The following BICC1 variants were observed in gnomAD, a reference collection of about 807,000 sequenced individuals.
The protein encoded by BICC1 is BicC family RNA binding protein 1.
BICC1 carries 43 observed loss-of-function variants against 111.0 expected under a neutral mutation model. The ratio of observed to expected loss-of-function variants is 0.39; its 90% CI spans 0.30 to 0.50. The LOEUF (loss-of-function observed/expected upper bound fraction) is 0.50, where lower values mean the gene tolerates loss of function less well. Ranked by LOEUF, BICC1 falls within the 20% of genes least tolerant of loss-of-function variation. The pLI is 0.88. For missense variants in BICC1, 1,091 were observed against 1,203.2 expected (o/e 0.91, Z 1.38); for synonymous variants, 467 against 434.4 (o/e 1.07, Z -0.93).
At chr10:58,617,374 A>G (rs926049359) in intron 1 of BICC1, among the ~76,000 whole-genome samples, 12 of 152,240 alleles carry the variant, frequency 7.9e-5, no homozygotes, top group African/African-American at 2.7e-4. Flanking sequence ...AGCAGAGTAC[A>G]CTGAATACAA....
chr10:58,578,675 G>C (rs1844180182), intron 1 of BICC1, among the ~76,000 whole-genome samples: 2 of 152,192 alleles, frequency 1.3e-5, no homozygotes, highest in South Asian at 2.1e-4. Context: ...AAATTTGAAA[G>C]AGGTGGAGGT....
At chr10:58,552,916 T>C (rs1843335749) in intron 1 of BICC1, among the ~76,000 whole-genome samples, 1 of 152,218 alleles carries the variant, frequency 6.6e-6, no homozygotes, top group African/African-American at 2.4e-5. Flanking sequence ...CACGTAGGCA[T>C]GGGCTTTCAG....
chr10:58,533,335 C>T (rs774975339), intron 1 of BICC1, among the ~76,000 whole-genome samples: 72 of 151,904 alleles, frequency 4.7e-4, no homozygotes, highest in Admixed American at 4.5e-3. Flanking sequence ...TTTTTCTTCA[C>T]TTAATAATGT....
chr10:58,761,312 G>A (rs1589112651), intron 3 of BICC1, among the ~76,000 whole-genome samples: 1 of 152,186 alleles, frequency 6.6e-6, no homozygotes, highest in Admixed American at 6.5e-5. Context: ...AATTCGAAGA[G>A]GAGGTATACA....
Position 58,580,617 on chromosome 10 carries a change from T to C in BICC1, c.191-40238T>C, listed in dbSNP as rs562027461. On this transcript the variant is annotated intron_variant, in intron 1 of 20. Transcript: ENST00000373886. Reference sequence around the variant, plus strand: ...ACATTATTGTTGACTATTGGCACAGTGTTCTACAGATCTCTAGAGCTTATT... The same window carrying C: ...ACATTATTGTTGACTATTGGCACAGCGTTCTACAGATCTCTAGAGCTTATT... Among the ~76,000 whole-genome samples, 16 of 152,310 alleles carry C rather than the reference T, an allele frequency of 1.1e-4. No homozygotes were observed. In the South Asian group the frequency reaches 3.3e-3, roughly 32 times the overall value.
At chr10:58,640,702 A>G (rs188265468) in intron 2 of BICC1, among the ~76,000 whole-genome samples, 1 of 152,336 alleles carries the variant, frequency 6.6e-6, no homozygotes, top group Non-Finnish European at 1.5e-5. Flanking sequence ...TATGACATGG[A>G]TTCTGCCATT....
At chr10:58,707,800 G>A (rs990719357) in intron 3 of BICC1, among the ~76,000 whole-genome samples, 5 of 151,904 alleles carry the variant, frequency 3.3e-5, no homozygotes, top group East Asian at 1.9e-4. Context: ...TGGGTTAAGC[G>A]ATTGTCCTGG....
chr10:58,586,495 G>A lies in BICC1; in HGVS notation c.191-34360G>A, dbSNP rs1488011166. Among the ~76,000 whole-genome samples, 3 of 151,588 alleles carry A rather than the reference G, an allele frequency of 2.0e-5. No individual in the cohort carries two copies. The East Asian group carries it at 5.8e-4, about 29-fold the overall frequency. On this transcript the variant is annotated intron_variant, in intron 1 of 20. Transcript: ENST00000373886. ...TACTTCCTGTAATACCAGCTACTCG[G>A]GTGGCTGAGGCACGAGAATCACTTG...
rs183124159 is a variant in BICC1, at chr10:58,611,978, G to T, written c.191-8877G>T. ...GTCTATTCTTAATTTTTCTCAACAG[G>T]CCTATTTATTTAATTTTTTACAGGC... On this transcript the variant is annotated intron_variant, in intron 1 of 20. Coordinates refer to ENST00000373886, the MANE Select transcript of BICC1 (RefSeq NM_001080512.3). Among the ~76,000 whole-genome samples, 104 of 152,102 alleles carry T rather than the reference G, an allele frequency of 6.8e-4. 1 individual carries two copies. The East Asian group carries it at 0.016, about 23-fold the overall frequency.
At chr10:58,732,670 A>G (rs1244153608) in intron 3 of BICC1, among the ~76,000 whole-genome samples, 5 of 151,472 alleles carry the variant, frequency 3.3e-5, no homozygotes, top group Non-Finnish European at 5.9e-5. Flanking sequence ...AGTCCCAACT[A>G]CTTGGGAGCC....
intron 3 of BICC1, among the ~76,000 whole-genome samples, chr10:58,753,319 C>T (rs1842043454): frequency 6.6e-6 from 1 of 152,116 alleles, no homozygotes; most frequent in Non-Finnish European, 1.5e-5. Flanking sequence ...CAGGCACACA[C>T]CATCAGGCCT....
chr10:58,725,903 A>G (rs562217435), intron 3 of BICC1, among the ~76,000 whole-genome samples: 23 of 152,358 alleles, frequency 1.5e-4, no homozygotes, highest in Admixed American at 3.9e-4. Flanking sequence ...AATGTTTCTT[A>G]ACAGCTTTGT....
intron 1 of BICC1, among the ~76,000 whole-genome samples, chr10:58,597,693 A>C (rs768428257): frequency 6.6e-5 from 10 of 152,012 alleles, no homozygotes; most frequent in Admixed American, 3.3e-4. Flanking sequence ...ACCTCCCCCC[A>C]GGAATGCATT....
intron 3 of BICC1, among the ~76,000 whole-genome samples, chr10:58,745,611 C>CCCA (rs1383315500): frequency 1.2e-4 from 16 of 133,232 alleles, no homozygotes; most frequent in African/African-American, 4.4e-4. Flanking sequence ...CGCCCCCCCC[C>CCCA]CACATTTTTT....
chr10:58,825,503 C>A (rs950906898), intron 20 of BICC1, among the ~76,000 whole-genome samples: 4 of 152,148 alleles, frequency 2.6e-5, no homozygotes, highest in Admixed American at 1.3e-4. Context: ...TCTATTATAA[C>A]ATGTTAAAAT....
rs1005776259 is a variant in BICC1 at position 58,586,493 on chromosome 10, C to T, written c.191-34362C>T. Among the ~76,000 whole-genome samples, 14 of 137,264 alleles carry T rather than the reference C, an allele frequency of 1.0e-4. 1 individual carries two copies. The highest frequency in any genetic ancestry group is 7.9e-4 in the South Asian group (3 of 3,806). The allele number at this position is 137,264 out of a possible 152,430, so 90.1% of individuals were successfully genotyped here. A position where few individuals can be genotyped will look rare whatever the true frequency, so the allele number is the denominator to read the frequency against. ...AGTACTTCCTGTAATACCAGCTACT[C>T]GGGTGGCTGAGGCACGAGAATCACT... is the stretch of plus-strand genomic sequence containing the variant. On this transcript the variant is annotated intron_variant, in intron 1 of 20. Coordinates refer to ENST00000373886, the MANE Select transcript of BICC1 (RefSeq NM_001080512.3).
chr10:58,802,616 C>T (rs543170252), intron 14 of BICC1, among the ~76,000 whole-genome samples: 5 of 152,278 alleles, frequency 3.3e-5, no homozygotes, highest in East Asian at 1.9e-4. Flanking sequence ...TTCATACACA[C>T]GAATTGGATC....
At chr10:58,626,143 G>T (rs1322879033) in intron 2 of BICC1, among the ~76,000 whole-genome samples, 1 of 152,162 alleles carries the variant, frequency 6.6e-6, no homozygotes, top group African/African-American at 2.4e-5. Flanking sequence ...AAGAGTATTT[G>T]ATATCTTGAT....
chr10:58,723,287 T>G (rs1840996073), intron 3 of BICC1, among the ~76,000 whole-genome samples: 1 of 152,154 alleles, frequency 6.6e-6, no homozygotes, highest in Non-Finnish European at 1.5e-5. Context: ...CTTTCCTCAG[T>G]CTGTTTGGAG....
Sources: gnomAD v4.1 joint callset for allele counts (sites outside exome capture counted in the v4.1 genomes callset) on GRCh38, gnomAD v4.1.1 for gene constraint, MANE v1.5 for transcripts, NCBI Gene and HGNC (gene_info 2026-07-23, HGNC 2026-07-21) for gene names.